Variants in RABGAP1L observed in about 807,000 individuals in gnomAD.
The protein encoded by RABGAP1L is rab GTPase-activating protein 1-like.
RABGAP1L carries 63 observed loss-of-function variants against 137.7 expected under a neutral mutation model. That is an observed-to-expected ratio of 0.46 (90% confidence interval 0.37 to 0.56). The LOEUF (loss-of-function observed/expected upper bound fraction) is 0.56, where lower values mean the gene tolerates loss of function less well. Ranked by LOEUF, RABGAP1L falls within the 20% of genes least tolerant of loss-of-function variation. The pLI is 0.00. For synonymous variants in RABGAP1L, 431 were observed against 433.7 expected (o/e 0.99, Z 0.08); for missense variants, 1,095 against 1,244.0 (o/e 0.88, Z 1.80).
chr1:174,230,682 C>T (rs1670571327), intron 3 of RABGAP1L, among the ~76,000 whole-genome samples: 1 of 152,088 alleles, frequency 6.6e-6, no homozygotes, highest in Non-Finnish European at 1.5e-5. Context: ...ATGGATAAGG[C>T]TATGACACAG....
At chr1:174,940,578 C>T (rs1188174220) in intron 19 of RABGAP1L, among the ~76,000 whole-genome samples, 1 of 152,102 alleles carries the variant, frequency 6.6e-6, no homozygotes, top group Non-Finnish European at 1.5e-5. Context: ...GCACCTAACC[C>T]TTTCTTCTTT....
chr1:174,622,919 G>A (rs996293536), intron 13 of RABGAP1L, among the ~76,000 whole-genome samples: 2 of 152,096 alleles, frequency 1.3e-5, no homozygotes, highest in African/African-American at 2.4e-5. Flanking sequence ...ATGAATTAGC[G>A]ACTGGAATGC....
chr1:174,183,325 T>C (rs1241547326), intron 1 of RABGAP1L, among the ~76,000 whole-genome samples: 1 of 152,166 alleles, frequency 6.6e-6, no homozygotes, highest in Non-Finnish European at 1.5e-5. Context: ...GGGGTGTTGC[T>C]TTGTTGCCTA....
intron 13 of RABGAP1L, among the ~76,000 whole-genome samples, chr1:174,567,240 T>A (rs1287622282): frequency 2.0e-5 from 3 of 152,180 alleles, no homozygotes; most frequent in African/African-American, 7.2e-5. Flanking sequence ...ATTTGCCTAT[T>A]CTAAGTACTT....
chr1:174,774,169 A>G (rs913124586), intron 18 of RABGAP1L, among the ~76,000 whole-genome samples: 1 of 152,254 alleles, frequency 6.6e-6, no homozygotes. Flanking sequence ...TGTAATAACT[A>G]AAACGCCCAT....
rs116212011 is a variant in RABGAP1L, at chr1:174,584,930, G to T, written c.1711-52445G>T. On this transcript the variant is annotated intron_variant, in intron 13 of 25. Transcript: ENST00000681986. The stretch of plus-strand genomic sequence containing the variant: ...AGCTTCTCCGTTAAAATCTAGTCCT[G>T]CCCTGTCCAATGTAATAACCACTAG... Among the ~76,000 whole-genome samples the T allele has an allele frequency of 3.8e-3, 585 of 151,956 alleles. 6 individuals are homozygous for T. Among genetic ancestry groups the T allele is most frequent in the African/African-American group, 0.014 (567 of 41,454 alleles).
chr1:174,389,216 T>C (rs1687034245), intron 12 of RABGAP1L, among the ~76,000 whole-genome samples: 1 of 152,112 alleles, frequency 6.6e-6, no homozygotes, highest in Non-Finnish European at 1.5e-5. Flanking sequence ...CTTCTCATTA[T>C]TGCGGGATGG....
chr1:174,378,145 A>G (rs1571501135), intron 12 of RABGAP1L, among the ~76,000 whole-genome samples: 2 of 146,350 alleles, frequency 1.4e-5, no homozygotes, highest in African/African-American at 5.1e-5. Flanking sequence ...ATAGTATTCC[A>G]TGGTGTATAT....
At chr1:174,695,829 C>A (rs1679212868) in intron 15 of RABGAP1L, among the ~76,000 whole-genome samples, 1 of 152,224 alleles carries the variant, frequency 6.6e-6, no homozygotes, top group African/African-American at 2.4e-5. Flanking sequence ...GGGGATGCCC[C>A]AAGCCAAATA....
intron 11 of RABGAP1L, among the ~76,000 whole-genome samples, chr1:174,313,725 G>C (rs1308069674): frequency 1.3e-5 from 2 of 152,024 alleles, no homozygotes; most frequent in Admixed American, 6.6e-5. Flanking sequence ...AATCATGAAG[G>C]GATGTGGAAT....
intron 12 of RABGAP1L, among the ~76,000 whole-genome samples, chr1:174,372,949 C>T (rs964226214): frequency 6.6e-6 from 1 of 152,156 alleles, no homozygotes; most frequent in African/African-American, 2.4e-5. Flanking sequence ...TGTTGTCACC[C>T]AATTCCCAGA....
At chr1:174,936,845 T>C (rs369372771) in intron 19 of RABGAP1L, among the ~76,000 whole-genome samples, 17 of 152,126 alleles carry the variant, frequency 1.1e-4, no homozygotes, top group African/African-American at 3.9e-4. Flanking sequence ...TTGCATTTTA[T>C]AGCTTCAATT....
chr1:174,581,213 C>A (rs1217248347), intron 13 of RABGAP1L, among the ~76,000 whole-genome samples: 1 of 152,160 alleles, frequency 6.6e-6, no homozygotes, highest in Non-Finnish European at 1.5e-5. Context: ...ACAAAAACTT[C>A]TACACAAATC....
intron 19 of RABGAP1L, among the ~76,000 whole-genome samples, chr1:174,933,691 A>G (rs1285611875): frequency 6.6e-6 from 1 of 152,160 alleles, no homozygotes; most frequent in Admixed American, 6.5e-5. Context: ...TTTCTAGGGA[A>G]TTCTGGCACA....
rs1308374142 is a variant in RABGAP1L, at chr1:174,801,915, C to T, written c.2212-9917C>T. ...TCAGGCTTGGTCTAATATATTTCTG[C>T]ATCCTAAAGACTACTCAACTTTGTG... On this transcript the variant is annotated intron_variant, in intron 18 of 25. Coordinates refer to ENST00000681986, the MANE Select transcript of RABGAP1L (RefSeq NM_001366446.1). Among the ~76,000 whole-genome samples the T allele has an allele frequency of 2.0e-5, 3 of 152,188 alleles. No homozygotes were observed. In the East Asian group the frequency reaches 5.8e-4, roughly 29 times the overall value.
chr1:174,869,247 C>T (rs924771757), intron 19 of RABGAP1L, among the ~76,000 whole-genome samples: 4 of 152,078 alleles, frequency 2.6e-5, no homozygotes, highest in Non-Finnish European at 4.4e-5. Context: ...TGTCCCTGCC[C>T]AAATATCATC....
intron 11 of RABGAP1L, chr1:174,367,674 T>C (rs776694864): frequency 4.2e-6 from 1 of 236,794 alleles, no homozygotes; most frequent in South Asian, 6.7e-5. Flanking sequence ...TCTGTATTCT[T>C]GTCACTTAGA....
intron 7 of RABGAP1L, 30 bp downstream of exon 7, chr1:174,252,620 A>C: frequency 6.3e-7 from 1 of 1,596,586 alleles, no homozygotes; most frequent in Non-Finnish European, 8.5e-7. Context: ...ATGCTACCAA[A>C]AACTTGTATT....
At chr1:174,696,070 C>G (rs1557992976) in intron 15 of RABGAP1L, among the ~76,000 whole-genome samples, 1 of 152,110 alleles carries the variant, frequency 6.6e-6, no homozygotes, top group Non-Finnish European at 1.5e-5. Flanking sequence ...ACACCTGAAG[C>G]CAGCATGGTA....
Sources: gnomAD v4.1 joint callset for allele counts (sites outside exome capture counted in the v4.1 genomes callset) on GRCh38, gnomAD v4.1.1 for gene constraint, MANE v1.5 for transcripts, NCBI Gene and HGNC (gene_info 2026-07-23, HGNC 2026-07-21) for gene names.